MTMR9: variants seen among roughly 807,000 people sequenced by gnomAD.
MTMR9 encodes myotubularin-related protein 9.
Under a neutral mutation model 69.5 loss-of-function variants are expected in MTMR9, and 39 were observed. That is an observed-to-expected ratio of 0.56 (90% CI 0.43 to 0.73). The LOEUF (loss-of-function observed/expected upper bound fraction) is 0.73. MTMR9 is among the 30% of genes least tolerant of loss of function. MTMR9 has a pLI of 0.00. For missense variants in MTMR9, 900 were observed against 671.2 expected, an observed-to-expected ratio of 1.34 and a Z score of -3.77; for synonymous variants, 354 against 240.8, an observed-to-expected ratio of 1.47 and a Z score of -4.35.
At position 11,304,988 on chromosome 8, in the gene MTMR9, A is replaced by C; in HGVS notation, c.565A>C (p.Ser189Arg). 1.2e-6 allele frequency: 2 copies of C among 1,613,994 alleles called. No homozygotes were observed. The highest frequency in any genetic ancestry group is 1.7e-6 in the Non-Finnish European group (2 of 1,179,932). Residue 189 changes from serine to arginine, a missense_variant, in exon 4 of 10, where the codon AGC (serine) becomes CGC (arginine). Ser to Arg is a moderately radical substitution (Grantham distance 110, BLOSUM62 -1). Coordinates refer to ENST00000221086, the MANE Select transcript of MTMR9 (RefSeq NM_015458.4). Reference protein sequence around the residue: ...FRHGGRFPVLSYYHKKNGMVI... With the variant: ...FRHGGRFPVLRYYHKKNGMVI... ...ACATGGAGGGCGCTTCCCAGTACTA[A>C]GCTATTACCACAAAAAAAATGGGAT...
At chr8:11,337,268 A>G in the MTMR9 span, among the ~76,000 whole-genome samples, 15 of 152,220 alleles carry the variant, frequency 9.9e-5, no homozygotes, top group Non-Finnish European at 2.2e-4. Context: ...TCTAAGAAGT[A>G]TACTCAAATG....
At chr8:11,312,561 G>C (rs1800246695) in intron 6 of MTMR9, among the ~76,000 whole-genome samples, 1 of 152,194 alleles carries the variant, frequency 6.6e-6, no homozygotes, top group African/African-American at 2.4e-5. Flanking sequence ...TGTAACATCT[G>C]CAGTGACTTC....
chr8:11,312,519 T>A (rs1800245019), intron 6 of MTMR9, among the ~76,000 whole-genome samples: 2 of 152,224 alleles, frequency 1.3e-5, no homozygotes, highest in Admixed American at 1.3e-4. Flanking sequence ...ACCTTCAGGT[T>A]CCACTTCTAA....
downstream of MTMR9, among the ~76,000 whole-genome samples, chr8:11,330,153 G>C (rs567743924): frequency 6.6e-6 from 1 of 151,726 alleles, no homozygotes; most frequent in Non-Finnish European, 1.5e-5. Flanking sequence ...GAGGGAGGTC[G>C]GGGATCAGCC....
chr8:11,286,691 A>AG (rs377741082), intron 1 of MTMR9, among the ~76,000 whole-genome samples: 3 of 105,408 alleles, frequency 2.8e-5, no homozygotes, highest in Non-Finnish European at 5.7e-5. Flanking sequence ...AAAAAAAAAA[A>AG]GTCTTCAGTG....
At chr8:11,331,098 C>T, downstream of MTMR9, 4 of 1,583,664 alleles carry the variant, frequency 2.5e-6, no homozygotes, top group Non-Finnish European at 2.6e-6. Flanking sequence ...GGAGAAAGTC[C>T]AAGGAAAGAT....
chr8:11,328,300 A>G (rs1410485156), downstream of MTMR9, among the ~76,000 whole-genome samples: 4 of 151,896 alleles, frequency 2.6e-5, no homozygotes, highest in African/African-American at 9.7e-5. Flanking sequence ...GATTGTTCCT[A>G]TATTGAATGA....
intron 6 of MTMR9, among the ~76,000 whole-genome samples, chr8:11,310,441 G>A (rs998039513): frequency 1.3e-5 from 2 of 152,152 alleles, no homozygotes; most frequent in African/African-American, 4.8e-5. Flanking sequence ...TTTTATTGAT[G>A]CTTCCAAATT....
At chr8:11,333,694 A>G in the MTMR9 span, among the ~76,000 whole-genome samples, 3 of 152,202 alleles carry the variant, frequency 2.0e-5, no homozygotes, top group Non-Finnish European at 4.4e-5. Context: ...GCAATTATAA[A>G]TCTATGTTAG....
At chr8:11,288,244 AATT>A (rs1242095251) in intron 1 of MTMR9, among the ~76,000 whole-genome samples, 2 of 136,932 alleles carry the variant, frequency 1.5e-5, no homozygotes, top group Non-Finnish European at 3.1e-5. Context: ...TAATAATAAT[AATT>A]ATATTATAAT....
chr8:11,330,811 C>G (rs1413807726), downstream of MTMR9: 11 of 483,874 alleles, frequency 2.3e-5, no homozygotes, highest in Non-Finnish European at 4.0e-5. Flanking sequence ...CCTAGGAAAA[C>G]CAGAGACCTT....
chr8:11,332,291 A>G (rs1801268230), downstream of MTMR9: 2 of 1,150,914 alleles, frequency 1.7e-6, no homozygotes, highest in African/African-American at 1.6e-5. Flanking sequence ...GTTATAATAA[A>G]AATATCACAA....
chr8:11,305,837 G>T (rs902334857), intron 4 of MTMR9, among the ~76,000 whole-genome samples: 1 of 152,180 alleles, frequency 6.6e-6, no homozygotes, highest in Non-Finnish European at 1.5e-5. Context: ...ATGTTTAGTT[G>T]AAGTCAAGGT....
intron 1 of MTMR9, among the ~76,000 whole-genome samples, chr8:11,288,716 C>T (rs1218248273): frequency 6.6e-6 from 1 of 152,140 alleles, no homozygotes; most frequent in African/African-American, 2.4e-5. Context: ...GCCTGCAGGC[C>T]ACAGTAATGG....
chr8:11,322,911 C>G lies in MTMR9; in HGVS notation c.*123C>G. 1 of 763,300 alleles carries G rather than the reference C, an allele frequency of 1.3e-6. No homozygotes were observed. Among genetic ancestry groups the G allele is most frequent in the South Asian group, 2.1e-5 (1 of 48,670 alleles). 47.3% of individuals were successfully genotyped at this position (763,300 alleles called of 1,614,324 possible). On this transcript the variant is annotated 3_prime_UTR_variant, in exon 10 of 10. Coordinates refer to ENST00000221086, the MANE Select transcript of MTMR9 (RefSeq NM_015458.4). ...TGAAGGCTTTAGATGTGGGACCCCCCTAATGTAATGGATTTCTCAATACTG... is the reference window on the plus strand; with the variant it reads ...TGAAGGCTTTAGATGTGGGACCCCCGTAATGTAATGGATTTCTCAATACTG...
intron 1 of MTMR9, chr8:11,285,293 G>C (rs147979157): frequency 4.3e-6 from 2 of 466,278 alleles, no homozygotes; most frequent in Non-Finnish European, 7.6e-6. Context: ...CGTGTGGCTG[G>C]TACCATCCTG....
At position 11,306,281 on chromosome 8, in the gene MTMR9, G is replaced by C; in HGVS notation, c.683G>C (p.Gly228Ala). 5 of 1,614,070 alleles carry C rather than the reference G, an allele frequency of 3.1e-6. No homozygotes were observed. The highest frequency in any genetic ancestry group is 3.4e-6 in the Non-Finnish European group (4 of 1,179,962). ...CTGATAAATGCTACCCTCAGGGCTG[G>C]AAAGCGTGGCTACATCATTGACACC... The part of the protein sequence containing the change: ...EKLINATLRA[G>A]KRGYIIDTRS... The change falls in exon 5 of 10, where the codon GGA becomes GCA. Residue 228 changes from glycine to alanine, a missense_variant. Physicochemically the swap from Gly to Ala is moderately conservative, Grantham distance 60. Coordinates refer to ENST00000221086, the MANE Select transcript of MTMR9 (RefSeq NM_015458.4).
At chr8:11,302,627 A>T (rs1799791038) in intron 3 of MTMR9, among the ~76,000 whole-genome samples, 2 of 152,192 alleles carry the variant, frequency 1.3e-5, no homozygotes, top group South Asian at 2.1e-4. Flanking sequence ...AAAACATAAA[A>T]AAAGCAAATC....
chr8:11,321,175 C>G, intron 9 of MTMR9: 3 of 271,800 alleles, frequency 1.1e-5, no homozygotes, highest in South Asian at 7.7e-5. Flanking sequence ...ATTGAAGTGT[C>G]CCCTAGTTAG....
Sources: gnomAD v4.1 joint callset for allele counts (sites outside exome capture counted in the v4.1 genomes callset) on GRCh38, gnomAD v4.1.1 for gene constraint, MANE v1.5 for transcripts, NCBI Gene and HGNC (gene_info 2026-07-23, HGNC 2026-07-21) for gene names.